Variants in RXRA observed in about 807,000 individuals in gnomAD.
RXRA encodes retinoid X receptor alpha, also known as retinoic acid receptor RXR-alpha.
A neutral mutation model predicts 44.5 loss-of-function variants in RXRA; 5 were observed. The ratio of observed to expected loss-of-function variants is 0.11; its 90% confidence interval spans 0.06 to 0.24. RXRA has a LOEUF of 0.24. RXRA is among the 10% of genes least tolerant of loss of function. The pLI, the probability that RXRA is intolerant of heterozygous loss-of-function variation, is 1.00. For missense variants in RXRA, 412 were observed against 646.5 expected (o/e 0.64, Z 3.93); for synonymous variants, 291 against 271.4 (o/e 1.07, Z -0.71).
intron 1 of RXRA, among the ~76,000 whole-genome samples, chr9:134,394,543 G>A (rs1353727045): frequency 3.3e-5 from 5 of 152,142 alleles, no homozygotes; most frequent in East Asian, 1.9e-4. Flanking sequence ...CTGGCAGCTC[G>A]CGGAGGTCTC....
rs571872655 is a variant in RXRA at position 134,349,433 on chromosome 9, C to G, written c.28+22774C>G. Among the ~76,000 whole-genome samples, 3 of 152,064 alleles carry G rather than the reference C, an allele frequency of 2.0e-5. No individual in the cohort carries two copies. The highest frequency in any genetic ancestry group is 7.2e-5 in the African/African-American group (3 of 41,414). On this transcript the variant is annotated intron_variant, in intron 1 of 9. Transcript: ENST00000481739. The surrounding 1 kb of genome is among the most constrained non-coding windows in gnomAD (Gnocchi z 4.3). Reference sequence around the variant, plus strand: ...GGAGGAGAGGGACAGGCTGGTGGGTCGGGGAAGAGAAGAGGCTGGCTCAGG... The same window carrying G: ...GGAGGAGAGGGACAGGCTGGTGGGTGGGGGAAGAGAAGAGGCTGGCTCAGG...
At chr9:134,387,611 A>C (rs920140250) in intron 1 of RXRA, among the ~76,000 whole-genome samples, 2 of 152,230 alleles carry the variant, frequency 1.3e-5, no homozygotes, top group Non-Finnish European at 2.9e-5. Context: ...GACACCTGAA[A>C]TAGAACAGTG....
In RXRA at chr9:134,440,010, G is replaced by T. The variant is rs967546743; in HGVS notation, c.*3396G>T. 1 of 152,284 alleles carries T rather than the reference G, an allele frequency of 6.6e-6. No homozygotes were observed. The highest frequency in any genetic ancestry group is 2.1e-4 in the South Asian group (1 of 4,830). The allele number at this position is 152,284 out of a possible 1,614,324, so 9.4% of individuals were successfully genotyped here. On this transcript the variant is annotated 3_prime_UTR_variant, in exon 10 of 10. Transcript: ENST00000481739. ...TCCTTAGCAATGCCTTAGCTGGGAC[G>T]CATAGCTAATACTTTAGAGAGGATG...
rs1166358839 is a variant in RXRA at position 134,422,063 on chromosome 9, C to G, written c.910+258C>G. 3 of 1,392,970 alleles carry G rather than the reference C, an allele frequency of 2.2e-6. No homozygotes were observed. In the South Asian group the frequency reaches 3.8e-5, roughly 18 times the overall value. 86.3% of individuals were successfully genotyped at this position (1,392,970 alleles called of 1,614,324 possible). A position where few individuals can be genotyped will look rare whatever the true frequency, so the allele number is the denominator to read the frequency against. On this transcript the variant is annotated intron_variant, in intron 6 of 9. Transcript: ENST00000481739. The stretch of plus-strand genomic sequence containing the variant: ...CCATCTCCCAGGACGCTCCCCTCTC[C>G]CAGGACGCTCCCCTCTCCCAGGACA...
chr9:134,345,577 C>T (rs1158098573), intron 1 of RXRA, among the ~76,000 whole-genome samples: 1 of 152,196 alleles, frequency 6.6e-6, no homozygotes, highest in African/African-American at 2.4e-5. Context: ...TGGCTGCACC[C>T]ACTAGGTGTT....
Position 134,422,024 on chromosome 9 carries a change from C to T in RXRA, c.910+219C>T, listed in dbSNP as rs542912911. 2.5e-4 allele frequency: 356 copies of T among 1,450,600 alleles called. 4 individuals are homozygous for T. In the South Asian group the frequency reaches 4.1e-3, roughly 17 times the overall value. The allele number at this position is 1,450,600 out of a possible 1,614,324, so 89.9% of individuals were successfully genotyped here. A position where few individuals can be genotyped will look rare whatever the true frequency, so the allele number is the denominator to read the frequency against. On this transcript the variant is annotated intron_variant, in intron 6 of 9. Coordinates refer to ENST00000481739, the MANE Select transcript of RXRA (RefSeq NM_002957.6). ...CCCCCTTCCCGGAACACACTCCCCC[C>T]TCCCTGGATGCTCCCATCTCCCAGG...
intron 9 of RXRA, among the ~76,000 whole-genome samples, chr9:134,434,930 A>G (rs1588312381): frequency 6.6e-6 from 1 of 152,130 alleles, no homozygotes; most frequent in East Asian, 1.9e-4. Context: ...CGCCACCAGC[A>G]CATACACAGT....
At chr9:134,369,357 TTG>T (rs1402787937) in intron 1 of RXRA, among the ~76,000 whole-genome samples, 2 of 83,416 alleles carry the variant, frequency 2.4e-5, no homozygotes, top group African/African-American at 1.0e-4. Flanking sequence ...AGTGCAGGGG[TTG>T]TGTGTGTGTG....
At chr9:134,374,421 G>T (rs576100365) in intron 1 of RXRA, among the ~76,000 whole-genome samples, 6 of 152,314 alleles carry the variant, frequency 3.9e-5, no homozygotes, top group African/African-American at 1.2e-4. Context: ...GGGTGAGGGG[G>T]TGAATCGCAG....
Position 134,417,841 on chromosome 9 carries a change from C to A in RXRA, c.780+514C>A, listed in dbSNP as rs7037637. Among the ~76,000 whole-genome samples the A allele has an allele frequency of 0.013, 1,914 of 152,196 alleles. 41 individuals carry two copies. Among genetic ancestry groups the A allele is most frequent in the African/African-American group, 0.044 (1,817 of 41,528 alleles). ...GCTGTTGATACAGGAAGCAGCTCTG[C>A]AGCCCCCCAGCTGGTCACCCCCATG... On this transcript the variant is annotated intron_variant, in intron 5 of 9. Coordinates refer to ENST00000481739, the MANE Select transcript of RXRA (RefSeq NM_002957.6). The surrounding 1 kb of genome is among the most constrained non-coding windows in gnomAD (Gnocchi z 6.1).
Position 134,349,605 on chromosome 9 carries a change from C to T in RXRA, c.28+22946C>T, listed in dbSNP as rs1392048165. On this transcript the variant is annotated intron_variant, in intron 1 of 9. Transcript: ENST00000481739. The surrounding 1 kb of genome is among the most constrained non-coding windows in gnomAD (Gnocchi z 4.3). ...AGACAGGGGCAGGGTTCTCAGGTGG[C>T]CCCCATGAGTGGGTGACATCAGGAG... Among the ~76,000 whole-genome samples, 6 of 152,170 alleles carry T rather than the reference C, an allele frequency of 3.9e-5. No homozygotes were observed. The highest frequency in any genetic ancestry group is 7.4e-5 in the Non-Finnish European group (5 of 68,016).
chr9:134,342,492 G>A lies in RXRA; in HGVS notation c.28+15833G>A, dbSNP rs1172729163. On this transcript the variant is annotated intron_variant, in intron 1 of 9. Transcript: ENST00000481739. This position sits in a 1 kb window ranked among gnomAD's most constrained non-coding sequence, Gnocchi z 4.4. ...GTCCCCCAGGTGGTCAGGCCCCAGA[G>A]GCTTGCACTTGGGATGGCGTGCTGT... 6.6e-6 allele frequency among the ~76,000 whole-genome samples: 1 copy of A among 152,222 alleles called. No individual in the cohort carries two copies. The highest frequency in any genetic ancestry group is 1.9e-4 in the East Asian group (1 of 5,194).
At chr9:134,339,159 C>T (rs1011994219) in intron 1 of RXRA, among the ~76,000 whole-genome samples, 4 of 152,228 alleles carry the variant, frequency 2.6e-5, no homozygotes, top group Admixed American at 1.3e-4. Context: ...GTGCCCTGTC[C>T]GTAGGGACCC....
rs182220584 is a variant in RXRA, at chr9:134,429,948, C to T, written c.1043+708C>T. On this transcript the variant is annotated intron_variant, in intron 7 of 9. Transcript: ENST00000481739. ...TCGCCCAGGCTAGATTGCAGTGGTGCAATCTTGGCTCACTGCAAGCTCCGC... is the reference window on the plus strand; with the variant it reads ...TCGCCCAGGCTAGATTGCAGTGGTGTAATCTTGGCTCACTGCAAGCTCCGC... Among the ~76,000 whole-genome samples the T allele has an allele frequency of 6.2e-4, 95 of 152,112 alleles. 3 individuals are homozygous for T. In the East Asian group the frequency reaches 0.018, roughly 28 times the overall value.
intron 1 of RXRA, among the ~76,000 whole-genome samples, chr9:134,373,799 G>A (rs1321612006): frequency 6.6e-6 from 1 of 152,244 alleles, no homozygotes; most frequent in Admixed American, 6.5e-5. Flanking sequence ...TGGACTGGGT[G>A]CCCCTGGGCA....
At chr9:134,364,467 G>A (rs754534075) in intron 1 of RXRA, among the ~76,000 whole-genome samples, 5 of 152,214 alleles carry the variant, frequency 3.3e-5, no homozygotes, top group Non-Finnish European at 7.3e-5. Flanking sequence ...GTGGGGGTCC[G>A]GCTGTCATGG....
chr9:134,343,958 C>T lies in RXRA; in HGVS notation c.28+17299C>T, dbSNP rs1554748408. Among the ~76,000 whole-genome samples the T allele has an allele frequency of 6.6e-6, 1 of 152,170 alleles. No homozygotes were observed. Among genetic ancestry groups the T allele is most frequent in the Admixed American group, 6.5e-5 (1 of 15,288 alleles). On this transcript the variant is annotated intron_variant, in intron 1 of 9. Transcript: ENST00000481739. The surrounding 1 kb of genome is among the most constrained non-coding windows in gnomAD (Gnocchi z 4.1). Reference sequence around the variant, plus strand: ...GGTGGGCATCTCCCCATAGGCCCTCCCCACAGGATGCAGCCCTTCCTCATG... The same window carrying T: ...GGTGGGCATCTCCCCATAGGCCCTCTCCACAGGATGCAGCCCTTCCTCATG...
At chr9:134,425,391 G>T (rs2119195709) in intron 6 of RXRA, 1 of 985,188 alleles carries the variant, frequency 1.0e-6, no homozygotes, top group East Asian at 1.1e-4. Flanking sequence ...CTGAGACAGG[G>T]CCGGGTCGCT....
chr9:134,432,576 A>G (rs1831549647), intron 8 of RXRA, among the ~76,000 whole-genome samples: 1 of 152,180 alleles, frequency 6.6e-6, no homozygotes, highest in South Asian at 2.1e-4. Context: ...AAAGCCTCCT[A>G]GGTGCTACTC....
Sources: allele counts gnomAD v4.1 joint callset (sites outside exome capture counted in the v4.1 genomes callset), GRCh38; gene constraint gnomAD v4.1.1; non-coding constraint Gnocchi (gnomAD v3.1); transcripts MANE v1.5; gene names NCBI Gene and HGNC (gene_info 2026-07-23, HGNC 2026-07-21).